The following FAM227A variants were observed in gnomAD, a reference collection of about 807,000 sequenced individuals.
FAM227A encodes the protein family with sequence similarity 227 member A, also known as protein FAM227A.
Under a neutral mutation model 74.7 loss-of-function variants are expected in FAM227A, and 80 were observed. The observed-to-expected ratio is 1.07, with a 90% CI of 0.89 to 1.29. The LOEUF (loss-of-function observed/expected upper bound fraction) is 1.29. Ranked by LOEUF, FAM227A falls within the 50% of genes most tolerant of loss-of-function variation. FAM227A has a pLI of 0.00. For missense variants in FAM227A, 654 were observed against 683.4 expected (o/e 0.96, Z 0.48); for synonymous variants, 237 against 241.8 (o/e 0.98, Z 0.19).
chr22:38,605,765 A>T (rs2091270276), intron 12 of FAM227A, among the ~76,000 whole-genome samples: 1 of 152,214 alleles, frequency 6.6e-6, no homozygotes, highest in Non-Finnish European at 1.5e-5. Context: ...AAAGTTTCCT[A>T]CAAATATTTA....
At chr22:38,590,349 G>A (rs987014055) in intron 16 of FAM227A, among the ~76,000 whole-genome samples, 2 of 150,818 alleles carry the variant, frequency 1.3e-5, no homozygotes, top group African/African-American at 4.9e-5. Context: ...ATATACCTTC[G>A]TTTTGGGAAC....
intron 11 of FAM227A, among the ~76,000 whole-genome samples, chr22:38,619,328 A>T (rs2091639431): frequency 6.6e-6 from 1 of 151,728 alleles, no homozygotes; most frequent in Non-Finnish European, 1.5e-5. Flanking sequence ...TTATTTATTT[A>T]TTTATTTATT....
chr22:38,622,786 G>C (rs1254839372), intron 10 of FAM227A, among the ~76,000 whole-genome samples: 1 of 143,842 alleles, frequency 7.0e-6, no homozygotes, highest in African/African-American at 2.6e-5. Context: ...TGAGGCAGGA[G>C]AATCACTTGA....
At position 38,594,851 on chromosome 22, in the gene FAM227A, C is replaced by A. The variant is rs528995690; in HGVS notation, c.1532+2353G>T. 5.9e-5 allele frequency among the ~76,000 whole-genome samples: 9 copies of A among 152,180 alleles called. No homozygotes were observed. The East Asian group carries it at 1.7e-3, about 29-fold the overall frequency. ...TGGTGGCTAACGCCTGTAATCCCAGCACTTTGGGAGGCCGAGGGGGGTGGA... is the reference window on the plus strand; with the variant it reads ...TGGTGGCTAACGCCTGTAATCCCAGAACTTTGGGAGGCCGAGGGGGGTGGA... On this transcript the variant is annotated intron_variant, in intron 15 of 16. Transcript: ENST00000535113.
chr22:38,593,379 C>T lies in FAM227A; in HGVS notation c.1533-1839G>A, dbSNP rs147299054. On this transcript the variant is annotated intron_variant, in intron 15 of 16. Transcript: ENST00000535113. ...AATTAGCCGGGCATGGTGGCGGACA[C>T]CTGCAGTCCCAGCTACTTGGGAGGC... Among the ~76,000 whole-genome samples the T allele has an allele frequency of 2.0e-4, 31 of 152,274 alleles. No homozygotes were observed. The East Asian group carries it at 6.0e-3, about 29-fold the overall frequency.
At chr22:38,628,424 TG>T in intron 7 of FAM227A, 82 bp from the exon 8 acceptor site, 1 of 821,062 alleles carries the variant, frequency 1.2e-6, no homozygotes, top group Non-Finnish European at 2.0e-6. Flanking sequence ...AAATCAGTAT[TG>T]TTTTCATTTC....
At chr22:38,649,534 C>T (rs2092292462) in intron 2 of FAM227A, among the ~76,000 whole-genome samples, 1 of 151,396 alleles carries the variant, frequency 6.6e-6, no homozygotes, top group Non-Finnish European at 1.5e-5. Context: ...CCACCGCACT[C>T]CAGCCTGGGC....
intron 4 of FAM227A, among the ~76,000 whole-genome samples, chr22:38,639,410 A>G (rs7290095): frequency 0.32 from 36,673 of 115,176 alleles, 4,628 homozygotes; most frequent in East Asian, 0.41. Context: ...CTCCGTCTCG[A>G]AAAAAAAAAA....
At chr22:38,614,953 A>T (rs1337399384) in intron 11 of FAM227A, among the ~76,000 whole-genome samples, 1 of 152,242 alleles carries the variant, frequency 6.6e-6, no homozygotes, top group East Asian at 1.9e-4. Context: ...GCACAGGGCC[A>T]AGAGTTTACA....
chr22:38,588,494 C>T (rs1480677986), intron 16 of FAM227A, among the ~76,000 whole-genome samples: 1 of 150,948 alleles, frequency 6.6e-6, no homozygotes, highest in Non-Finnish European at 1.5e-5. Context: ...TGGTGCACAC[C>T]TGTAGTCCCA....
chr22:38,591,971 T>C (rs1349836131), intron 15 of FAM227A, among the ~76,000 whole-genome samples: 4 of 151,350 alleles, frequency 2.6e-5, no homozygotes, highest in East Asian at 1.9e-4. Context: ...TTTTTTGAGA[T>C]GGAGTCTTGC....
rs945815943 is a variant in FAM227A at position 38,582,044 on chromosome 22, G to A, written c.*4081C>T. ...AGGTGTGAGCCACCATGCCTGGCCT[G>A]TTCGTTTTTTAACAAAGCTTTATCG... On this transcript the variant is annotated 3_prime_UTR_variant, in exon 17 of 17. Coordinates refer to ENST00000535113, the MANE Select transcript of FAM227A (RefSeq NM_001013647.2). 2 of 285,514 alleles carry A rather than the reference G, an allele frequency of 7.0e-6. No homozygotes were observed. The highest frequency in any genetic ancestry group is 1.3e-5 in the Non-Finnish European group (2 of 152,894). 17.7% of individuals were successfully genotyped at this position (285,514 alleles called of 1,614,324 possible). A position where few individuals can be genotyped will look rare whatever the true frequency, so the allele number is the denominator to read the frequency against.
chr22:38,641,107 G>C (rs1213903107), intron 3 of FAM227A, among the ~76,000 whole-genome samples: 1 of 138,664 alleles, frequency 7.2e-6, no homozygotes, highest in African/African-American at 2.8e-5. Flanking sequence ...GGATGGATAA[G>C]ATTTGCACAG....
intron 1 of FAM227A, among the ~76,000 whole-genome samples, chr22:38,652,982 T>C (rs2092344651): frequency 6.7e-6 from 1 of 149,632 alleles, no homozygotes; most frequent in Non-Finnish European, 1.5e-5. Flanking sequence ...CATGGATGGG[T>C]GTAGGTCTGT....
chr22:38,632,607 G>A (rs2091935614), intron 6 of FAM227A, among the ~76,000 whole-genome samples: 1 of 152,126 alleles, frequency 6.6e-6, no homozygotes, highest in Non-Finnish European at 1.5e-5. Context: ...CAATGACCAA[G>A]GTCCACCTGC....
chr22:38,608,587 C>T (rs991163967), intron 11 of FAM227A, among the ~76,000 whole-genome samples: 2 of 151,790 alleles, frequency 1.3e-5, no homozygotes, highest in South Asian at 2.1e-4. Context: ...TCCGCCACCA[C>T]GCCCAGCTAA....
At chr22:38,637,829 C>T (rs992835799) in intron 5 of FAM227A, among the ~76,000 whole-genome samples, 1 of 152,204 alleles carries the variant, frequency 6.6e-6, no homozygotes, top group Non-Finnish European at 1.5e-5. Flanking sequence ...TTCAGATTCC[C>T]TAGCAGTTAA....
intron 4 of FAM227A, 40 bp downstream of exon 4, chr22:38,639,615 C>A (rs768391348): frequency 1.9e-6 from 3 of 1,544,670 alleles, no homozygotes; most frequent in African/African-American, 1.4e-5. Context: ...AAAAACAAAC[C>A]CCATGAAAAG....
intron 3 of FAM227A, among the ~76,000 whole-genome samples, chr22:38,640,554 T>C (rs189505655): frequency 8.7e-4 from 132 of 152,250 alleles, no homozygotes; most frequent in African/African-American, 2.4e-3. Flanking sequence ...CCAAGTTGCA[T>C]TGATTGTCAA....
Sources: gnomAD v4.1 joint callset for allele counts (sites outside exome capture counted in the v4.1 genomes callset) on GRCh38, gnomAD v4.1.1 for gene constraint, MANE v1.5 for transcripts, NCBI Gene and HGNC (gene_info 2026-07-23, HGNC 2026-07-21) for gene names.